Variants in XKR4 observed in about 807,000 individuals in gnomAD.
XKR4 encodes the protein XK-related protein 4.
Under a neutral mutation model 53.9 loss-of-function variants are expected in XKR4, and 12 were observed. The observed-to-expected ratio is 0.22, with a 90% confidence interval of 0.14 to 0.36. The LOEUF is 0.36. Ranked by LOEUF, XKR4 falls within the 10% of genes least tolerant of loss-of-function variation. The pLI, the probability that XKR4 is intolerant of heterozygous loss-of-function variation, is 1.00. For synonymous variants in XKR4, 354 were observed against 362.4 expected, an observed-to-expected ratio of 0.98 and a Z score of 0.26; for missense variants, 799 against 859.5, an observed-to-expected ratio of 0.93 and a Z score of 0.88.
At chr8:55,144,703 G>T (rs1311078912) in intron 1 of XKR4, among the ~76,000 whole-genome samples, 1 of 152,068 alleles carries the variant, frequency 6.6e-6, no homozygotes, top group East Asian at 1.9e-4. Flanking sequence ...CGAGCTGCCT[G>T]TTTGAGCTCT....
At chr8:55,341,936 T>G (rs1803554511) in intron 1 of XKR4, among the ~76,000 whole-genome samples, 1 of 152,094 alleles carries the variant, frequency 6.6e-6, no homozygotes, top group Non-Finnish European at 1.5e-5. Context: ...GAGGGCAGTC[T>G]CATCTTGTCT....
intron 1 of XKR4, among the ~76,000 whole-genome samples, chr8:55,153,988 A>T (rs890248417): frequency 1.3e-5 from 2 of 152,202 alleles, no homozygotes; most frequent in South Asian, 4.1e-4. Context: ...TGATAAACTC[A>T]TTGCTCTTGA....
intron 2 of XKR4, among the ~76,000 whole-genome samples, chr8:55,363,955 C>T (rs116098871): frequency 3.9e-5 from 6 of 152,168 alleles, no homozygotes; most frequent in South Asian, 2.1e-4. Context: ...TATAATGTGA[C>T]GCTATAAACA....
intron 1 of XKR4, among the ~76,000 whole-genome samples, chr8:55,245,670 TCC>T (rs2129368905): frequency 6.6e-6 from 1 of 152,278 alleles, no homozygotes; most frequent in African/African-American, 2.4e-5. Context: ...TCCAAGAGTC[TCC>T]CCATGTCAGT....
intron 2 of XKR4, among the ~76,000 whole-genome samples, chr8:55,478,248 A>G (rs1806033567): frequency 6.6e-6 from 1 of 152,150 alleles, no homozygotes; most frequent in Admixed American, 6.5e-5. Context: ...CCAATATTCA[A>G]CATTCTTAAA....
At chr8:55,144,417 C>T (rs943890229) in intron 1 of XKR4, among the ~76,000 whole-genome samples, 2 of 151,902 alleles carry the variant, frequency 1.3e-5, no homozygotes, top group Admixed American at 1.3e-4. Context: ...CAGCACAAGC[C>T]CACCTAGAAA....
chr8:55,385,725 C>T (rs1804299770), intron 2 of XKR4, among the ~76,000 whole-genome samples: 1 of 152,184 alleles, frequency 6.6e-6, no homozygotes, highest in South Asian at 2.1e-4. Context: ...TTGGATCCAT[C>T]TTTGGAGTCT....
intron 1 of XKR4, among the ~76,000 whole-genome samples, chr8:55,148,309 G>A (rs1434619326): frequency 6.6e-6 from 1 of 152,036 alleles, no homozygotes; most frequent in Non-Finnish European, 1.5e-5. Flanking sequence ...GGAGGCTGAG[G>A]CACAAGAATC....
chr8:55,368,183 A>G (rs1804020800), intron 2 of XKR4, among the ~76,000 whole-genome samples: 1 of 150,962 alleles, frequency 6.6e-6, no homozygotes, highest in African/African-American at 2.4e-5. Context: ...CTGGTCTTGA[A>G]CTCCCGACCT....
At chr8:55,216,530 C>T (rs1398743447) in intron 1 of XKR4, among the ~76,000 whole-genome samples, 1 of 152,090 alleles carries the variant, frequency 6.6e-6, no homozygotes, top group Non-Finnish European at 1.5e-5. Flanking sequence ...GAGTTCGAGA[C>T]CAGCCTGTCC....
chr8:55,507,659 C>T (rs1806561932), intron 2 of XKR4, among the ~76,000 whole-genome samples: 1 of 152,050 alleles, frequency 6.6e-6, no homozygotes, highest in Non-Finnish European at 1.5e-5. Flanking sequence ...TCATCCATGT[C>T]CCTGCAAAGG....
At chr8:55,173,832 C>T (rs1222089644) in intron 1 of XKR4, among the ~76,000 whole-genome samples, 1 of 152,268 alleles carries the variant, frequency 6.6e-6, no homozygotes, top group South Asian at 2.1e-4. Context: ...GAAGGTTATG[C>T]CTCACTGTAT....
intron 1 of XKR4, among the ~76,000 whole-genome samples, chr8:55,243,681 C>T (rs1266081149): frequency 6.6e-6 from 1 of 152,174 alleles, no homozygotes; most frequent in Non-Finnish European, 1.5e-5. Flanking sequence ...TTTGCATTCC[C>T]ACCAGCAATA....
intron 2 of XKR4, among the ~76,000 whole-genome samples, chr8:55,428,344 T>C (rs1805048666): frequency 6.6e-6 from 1 of 152,118 alleles, no homozygotes; most frequent in South Asian, 2.1e-4. Context: ...GGTAATCCCA[T>C]CAATCAAAAA....
intron 2 of XKR4, among the ~76,000 whole-genome samples, chr8:55,481,906 T>G (rs938603365): frequency 2.6e-5 from 4 of 152,092 alleles, no homozygotes; most frequent in African/African-American, 7.2e-5. Context: ...ACAGGTCCTG[T>G]AAAGGATGTG....
chr8:55,338,574 G>A (rs955626733), intron 1 of XKR4, among the ~76,000 whole-genome samples: 10 of 152,200 alleles, frequency 6.6e-5, no homozygotes, highest in Admixed American at 1.3e-4. Context: ...TTTACACATT[G>A]TTTCTGACAA....
intron 1 of XKR4, among the ~76,000 whole-genome samples, chr8:55,278,294 G>A (rs543394270): frequency 1.9e-4 from 28 of 146,778 alleles, no homozygotes; most frequent in African/African-American, 7.1e-4. Context: ...CCAAGATCCT[G>A]CCACTGCACT....
chr8:55,227,987 G>A (rs1297274767), intron 1 of XKR4, among the ~76,000 whole-genome samples: 1 of 152,130 alleles, frequency 6.6e-6, no homozygotes, highest in Non-Finnish European at 1.5e-5. Context: ...GCTCACTGCA[G>A]CCTCTGCCTC....
intron 2 of XKR4, among the ~76,000 whole-genome samples, chr8:55,393,218 G>T (rs1369766735): frequency 6.6e-6 from 1 of 151,964 alleles, no homozygotes; most frequent in African/African-American, 2.4e-5. Flanking sequence ...CTAAAATAAT[G>T]CACTATGAAG....
Sources: gnomAD v4.1 joint callset for allele counts (sites outside exome capture counted in the v4.1 genomes callset) on GRCh38, gnomAD v4.1.1 for gene constraint, MANE v1.5 for transcripts, NCBI Gene and HGNC (gene_info 2026-07-23, HGNC 2026-07-21) for gene names.